CSMD3: variants seen among roughly 807,000 people sequenced by gnomAD.
CSMD3 encodes the protein CUB and Sushi multiple domains 3.
Under a neutral mutation model 435.2 loss-of-function variants are expected in CSMD3, and 177 were observed. The observed-to-expected ratio is 0.41, with a 90% CI of 0.36 to 0.46. The LOEUF (loss-of-function observed/expected upper bound fraction) is 0.46. Ranked by LOEUF, CSMD3 falls within the 20% of genes least tolerant of loss-of-function variation. CSMD3 has a pLI of 0.34. For synonymous variants in CSMD3, 1,656 were observed against 1,520.5 expected (o/e 1.09, Z -2.07); for missense variants, 4,265 against 4,504.6 (o/e 0.95, Z 1.52).
At position 112,791,093 on chromosome 8, in the gene CSMD3, C is replaced by T. The variant is rs190151885; in HGVS notation, c.1972+9069G>A. Among the ~76,000 whole-genome samples the T allele has an allele frequency of 1.8e-3, 279 of 152,120 alleles. 1 individual carries two copies. The highest frequency in any genetic ancestry group is 3.4e-3 in the Middle Eastern group (1 of 294). Reference sequence around the variant, plus strand: ...ACCTCAGGTCTTTGGGAAGCTGAGGCTGGAGGATCACTTGAGCCCAAGAGT... The same window carrying T: ...ACCTCAGGTCTTTGGGAAGCTGAGGTTGGAGGATCACTTGAGCCCAAGAGT... On this transcript the variant is annotated intron_variant, in intron 13 of 70. Transcript: ENST00000297405.
chr8:113,384,094 T>A (rs1353279791), intron 1 of CSMD3, among the ~76,000 whole-genome samples: 1 of 152,178 alleles, frequency 6.6e-6, no homozygotes, highest in Admixed American at 6.5e-5. Context: ...ATTCCCACCA[T>A]ACTTAAAAAC....
intron 66 of CSMD3, among the ~76,000 whole-genome samples, chr8:112,238,681 T>TAA (rs1813827329): frequency 1.0e-5 from 1 of 96,092 alleles, no homozygotes; most frequent in Admixed American, 1.3e-4. Flanking sequence ...ATTTAGAGTT[T>TAA]GTTAAGAATT....
At chr8:112,818,397 C>T (rs1158765913) in intron 12 of CSMD3, among the ~76,000 whole-genome samples, 3 of 152,002 alleles carry the variant, frequency 2.0e-5, no homozygotes, top group African/African-American at 7.2e-5. Context: ...TTCAGCTATT[C>T]AATCTTTTTA....
At chr8:112,239,874 C>T (rs537067783) in intron 66 of CSMD3, among the ~76,000 whole-genome samples, 2 of 151,892 alleles carry the variant, frequency 1.3e-5, no homozygotes, top group Non-Finnish European at 2.9e-5. Context: ...TGGGCGGTTG[C>T]CTGTTTTTAT....
At chr8:112,636,600 C>A (rs1166179159) in intron 22 of CSMD3, among the ~76,000 whole-genome samples, 1 of 150,678 alleles carries the variant, frequency 6.6e-6, no homozygotes, top group Non-Finnish European at 1.5e-5. Context: ...TGTTTCTTAT[C>A]CCTATCTGAA....
At chr8:112,617,833 GTA>G (rs1456011723) in intron 22 of CSMD3, among the ~76,000 whole-genome samples, 2 of 152,190 alleles carry the variant, frequency 1.3e-5, no homozygotes, top group East Asian at 3.9e-4. Context: ...ACTTCTCAAT[GTA>G]TATGTTTTTA....
chr8:112,490,172 G>A (rs1794345094), intron 31 of CSMD3, among the ~76,000 whole-genome samples: 1 of 152,006 alleles, frequency 6.6e-6, no homozygotes, highest in Admixed American at 6.6e-5. Context: ...CTCTATATGT[G>A]TTGTGTTTAC....
At chr8:112,684,610 G>C (rs1364537940) in intron 15 of CSMD3, among the ~76,000 whole-genome samples, 1 of 152,184 alleles carries the variant, frequency 6.6e-6, no homozygotes, top group East Asian at 1.9e-4. Context: ...TAGTATCTAA[G>C]TGTTATTAAT....
chr8:112,414,403 C>T (rs1811690212), intron 32 of CSMD3, among the ~76,000 whole-genome samples: 1 of 152,162 alleles, frequency 6.6e-6, no homozygotes, highest in Non-Finnish European at 1.5e-5. Flanking sequence ...CTGTGTCCTG[C>T]TGCCACATGA....
At chr8:113,153,092 G>GAAAGAAAGA (rs777903275) in intron 4 of CSMD3, among the ~76,000 whole-genome samples, 4 of 85,916 alleles carry the variant, frequency 4.7e-5, no homozygotes, top group Non-Finnish European at 6.2e-5. Flanking sequence ...AAGAAAGAAA[G>GAAAGAAAGA]AAAGAAAGAA....
At chr8:113,428,113 C>G (rs1369126957) in intron 1 of CSMD3, among the ~76,000 whole-genome samples, 2 of 151,552 alleles carry the variant, frequency 1.3e-5, no homozygotes, top group East Asian at 1.9e-4. Context: ...ATCTATTGTA[C>G]AGACCATTTA....
intron 31 of CSMD3, 49 bp downstream of exon 31, chr8:112,492,440 T>A (rs779822347): frequency 7.0e-7 from 1 of 1,432,566 alleles, no homozygotes; most frequent in Non-Finnish European, 9.9e-7. Context: ...TTAAATATTT[T>A]TTGATTTTTT....
chr8:112,927,649 T>C (rs2082952165), intron 9 of CSMD3, among the ~76,000 whole-genome samples: 1 of 152,122 alleles, frequency 6.6e-6, no homozygotes, highest in Admixed American at 6.6e-5. Flanking sequence ...TTGATAAGCT[T>C]TGTTAGATAT....
chr8:113,067,380 C>T (rs1045144159), intron 5 of CSMD3, among the ~76,000 whole-genome samples: 5 of 152,070 alleles, frequency 3.3e-5, no homozygotes, highest in Non-Finnish European at 7.4e-5. Context: ...ATCAATCCTA[C>T]TGAGAGCAGA....
chr8:112,380,179 C>T (rs1286874836), intron 38 of CSMD3, among the ~76,000 whole-genome samples, 173 bp downstream of exon 38: 3 of 152,140 alleles, frequency 2.0e-5, no homozygotes, highest in Non-Finnish European at 4.4e-5. Context: ...ACCATTAAAA[C>T]TTTATTCATG....
chr8:113,017,273 T>G (rs936396387), intron 6 of CSMD3, among the ~76,000 whole-genome samples: 1 of 151,942 alleles, frequency 6.6e-6, no homozygotes, highest in African/African-American at 2.4e-5. Context: ...AAAAGTCAAT[T>G]AAAGACCAAT....
intron 21 of CSMD3, 83 bp from the exon 22 acceptor site, chr8:112,637,088 T>G: frequency 9.0e-7 from 1 of 1,109,372 alleles, no homozygotes. Flanking sequence ...GGTATATTCC[T>G]ATTGTTTTTA....
At chr8:112,489,940 T>C (rs1820524188) in intron 31 of CSMD3, among the ~76,000 whole-genome samples, 1 of 152,122 alleles carries the variant, frequency 6.6e-6, no homozygotes, top group South Asian at 2.1e-4. Flanking sequence ...TCAACACCTG[T>C]TTTTCAGGAG....
At chr8:112,579,349 A>T (rs1437016643) in intron 23 of CSMD3, among the ~76,000 whole-genome samples, 1 of 152,012 alleles carries the variant, frequency 6.6e-6, no homozygotes, top group Admixed American at 6.6e-5. Context: ...CTACAGTGTA[A>T]ATACTCCCAT....
Sources: allele counts gnomAD v4.1 joint callset (sites outside exome capture counted in the v4.1 genomes callset), GRCh38; gene constraint gnomAD v4.1.1; transcripts MANE v1.5; gene names NCBI Gene and HGNC (gene_info 2026-07-23, HGNC 2026-07-21).